Variants in CCDC112 observed in about 807,000 individuals in gnomAD.
The protein encoded by CCDC112 is coiled-coil domain-containing protein 112.
Under a neutral mutation model 66.3 loss-of-function variants are expected in CCDC112, and 40 were observed. The ratio of observed to expected loss-of-function variants is 0.60; its 90% CI spans 0.47 to 0.79. The LOEUF (loss-of-function observed/expected upper bound fraction) is 0.79. Among genes scored for constraint, CCDC112 ranks in the 30% least tolerant of loss-of-function variants. The pLI is 0.00. For missense variants in CCDC112, 659 were observed against 603.8 expected (o/e 1.09, Z -0.96); for synonymous variants, 214 against 197.2 (o/e 1.09, Z -0.71).
chr5:115,275,187 G>A, intron 6 of CCDC112, 29 bp downstream of exon 6: 2 of 1,513,436 alleles, frequency 1.3e-6, no homozygotes, highest in Non-Finnish European at 1.8e-6. Context: ...TAGAAACACA[G>A]AATGAATAAT....
intron 7 of CCDC112, among the ~76,000 whole-genome samples, chr5:115,270,525 C>T (rs758973014): frequency 1.1e-4 from 17 of 152,080 alleles, no homozygotes; most frequent in Middle Eastern, 6.3e-3. Flanking sequence ...AATCTCGATT[C>T]CTTTAAGAAG....
chr5:115,276,441 A>G (rs1380897837), intron 4 of CCDC112, among the ~76,000 whole-genome samples: 1 of 152,178 alleles, frequency 6.6e-6, no homozygotes, highest in Non-Finnish European at 1.5e-5. Flanking sequence ...TCAGGAATGA[A>G]TATTACAGTA....
At position 115,267,737 on chromosome 5, in the gene CCDC112, A is replaced by C. The variant is rs1748794814; in HGVS notation, c.*139T>G. ...CTAATGACAAAGCCTCATGAAACTTAATACCTCTCAATTCACAATATAGCA... is the reference window on the plus strand; with the variant it reads ...CTAATGACAAAGCCTCATGAAACTTCATACCTCTCAATTCACAATATAGCA... On this transcript the variant is annotated 3_prime_UTR_variant, in exon 10 of 10. Coordinates refer to ENST00000379611, the MANE Select transcript of CCDC112 (RefSeq NM_001040440.3). 5.5e-6 allele frequency: 4 copies of C among 727,832 alleles called. No homozygotes were observed. In the East Asian group the frequency reaches 1.0e-4, roughly 19 times the overall value. 45.1% of individuals were successfully genotyped at this position (727,832 alleles called of 1,614,324 possible). A position where few individuals can be genotyped will look rare whatever the true frequency, so the allele number is the denominator to read the frequency against.
rs566039915 is a variant in CCDC112, at chr5:115,289,010, C to A, written c.118-4102G>T. The A allele has an allele frequency of 4.3e-4, 122 of 284,876 alleles. 2 individuals are homozygous for A. Among genetic ancestry groups the A allele is most frequent in the South Asian group, 3.8e-3 (120 of 31,700 alleles). 17.6% of individuals were successfully genotyped at this position (284,876 alleles called of 1,614,324 possible). A position where few individuals can be genotyped will look rare whatever the true frequency, so the allele number is the denominator to read the frequency against. ...TTGGCTTCCTTTTTTTTTTTTTTAACCAAATTCATTTTATTGCCAGACAGA... is the reference window on the plus strand; with the variant it reads ...TTGGCTTCCTTTTTTTTTTTTTTAAACAAATTCATTTTATTGCCAGACAGA... On this transcript the variant is annotated intron_variant, in intron 1 of 9. Transcript: ENST00000379611.
intron 2 of CCDC112, among the ~76,000 whole-genome samples, chr5:115,281,614 T>C (rs938718975): frequency 2.0e-5 from 3 of 152,238 alleles, no homozygotes; most frequent in East Asian, 1.9e-4. Context: ...ACGTCTGCCA[T>C]GGACACAGGA....
rs989814052 is a variant in CCDC112 at position 115,292,434 on chromosome 5, C to A, written c.117+3993G>T. Among the ~76,000 whole-genome samples, 10 of 151,986 alleles carry A rather than the reference C, an allele frequency of 6.6e-5. 1 individual carries two copies. Among genetic ancestry groups the A allele is most frequent in the Non-Finnish European group, 1.5e-5 (1 of 67,976 alleles). On this transcript the variant is annotated intron_variant, in intron 1 of 9. Transcript: ENST00000379611. ...TCTTTAGATATGGTTTCCTTTAGTT[C>A]TTTGAACATATTTAAATAACTGTTT...
Position 115,267,672 on chromosome 5 carries a change from A to C in CCDC112, c.*204T>G. 1.8e-6 allele frequency: 1 copy of C among 564,296 alleles called. No homozygotes were observed. The highest frequency in any genetic ancestry group is 3.5e-5 in the Admixed American group (1 of 28,702). The allele number at this position is 564,296 out of a possible 1,614,324, so 35.0% of individuals were successfully genotyped here. A position where few individuals can be genotyped will look rare whatever the true frequency, so the allele number is the denominator to read the frequency against. On this transcript the variant is annotated 3_prime_UTR_variant, in exon 10 of 10. Transcript: ENST00000379611. Reference sequence around the variant, plus strand: ...ATAACTTTTACATCAATAATAGGCCAACACATATATTAAATACCTTCTTGG... The same window carrying C: ...ATAACTTTTACATCAATAATAGGCCCACACATATATTAAATACCTTCTTGG...
Position 115,296,573 on chromosome 5 carries a change from C to A in CCDC112, c.-30G>T. 1 of 1,442,710 alleles carries A rather than the reference C, an allele frequency of 6.9e-7. No individual in the cohort carries two copies. The allele number at this position is 1,442,710 out of a possible 1,614,324, so 89.4% of individuals were successfully genotyped here. A position where few individuals can be genotyped will look rare whatever the true frequency, so the allele number is the denominator to read the frequency against. ...ACCCGCCGAGCTACTCGGGCCGCGGCGGCCACCGGTGCCTGGGGATTCGTG... is the reference window on the plus strand; with the variant it reads ...ACCCGCCGAGCTACTCGGGCCGCGGAGGCCACCGGTGCCTGGGGATTCGTG... On this transcript the variant is annotated 5_prime_UTR_variant, in exon 1 of 10. Coordinates refer to ENST00000379611, the MANE Select transcript of CCDC112 (RefSeq NM_001040440.3).
rs759891822 is a variant in CCDC112, at chr5:115,271,401, C to T, written c.1144G>A (p.Glu382Lys). 6.2e-7 allele frequency: 1 copy of T among 1,606,416 alleles called. No individual in the cohort carries two copies. Among genetic ancestry groups the T allele is most frequent in the Non-Finnish European group, 8.5e-7 (1 of 1,178,036 alleles). Residue 382 changes from glutamate (E) to lysine (K), a missense_variant, in exon 7 of 10, where the codon GAG becomes AAG. Physicochemically the swap from Glu to Lys is moderately conservative, Grantham distance 56. Coordinates refer to ENST00000379611, the MANE Select transcript of CCDC112 (RefSeq NM_001040440.3). ...KCASQLKEEE[E>K]KEKKHQKERQ... ...TCTTTCTGATGTTTTTTCTCTTTCTCTTCTTCTTCTTTTAACTGGGAAGCA... is the reference window on the plus strand; with the variant it reads ...TCTTTCTGATGTTTTTTCTCTTTCTTTTCTTCTTCTTTTAACTGGGAAGCA...
intron 1 of CCDC112, among the ~76,000 whole-genome samples, chr5:115,288,620 A>G (rs1038326756): frequency 6.6e-6 from 1 of 152,266 alleles, no homozygotes; most frequent in Non-Finnish European, 1.5e-5. Context: ...TAAAATGTTC[A>G]AGACATTAAA....
At chr5:115,287,198 T>G (rs1163691435) in intron 1 of CCDC112, among the ~76,000 whole-genome samples, 1 of 152,216 alleles carries the variant, frequency 6.6e-6, no homozygotes, top group Non-Finnish European at 1.5e-5. Context: ...ACTGTTATCG[T>G]CTGTCTTTTT....
intron 2 of CCDC112, among the ~76,000 whole-genome samples, chr5:115,284,252 G>C (rs745397748): frequency 2.0e-5 from 3 of 152,134 alleles, no homozygotes; most frequent in Non-Finnish European, 4.4e-5. Context: ...GCTGGAGCCA[G>C]CCTAAGAGTC....
At chr5:115,272,919 C>A (rs76353426) in intron 6 of CCDC112, among the ~76,000 whole-genome samples, 2,807 of 152,232 alleles carry the variant, frequency 0.018, 79 homozygotes, top group African/African-American at 0.064. Flanking sequence ...TGCACTGCTT[C>A]TTTCAATGTG....
At chr5:115,274,355 G>C (rs1749116327) in intron 6 of CCDC112, among the ~76,000 whole-genome samples, 1 of 152,124 alleles carries the variant, frequency 6.6e-6, no homozygotes, top group Admixed American at 6.5e-5. Context: ...TGCAAAGCCA[G>C]AGTAATATTT....
chr5:115,282,121 G>C (rs1749482264), intron 2 of CCDC112, among the ~76,000 whole-genome samples: 1 of 152,082 alleles, frequency 6.6e-6, no homozygotes, highest in African/African-American at 2.4e-5. Flanking sequence ...AATATGGGCA[G>C]GTTAAATAAA....
intron 4 of CCDC112, among the ~76,000 whole-genome samples, chr5:115,276,533 G>A (rs1019370592): frequency 7.9e-5 from 12 of 152,040 alleles, no homozygotes; most frequent in African/African-American, 2.9e-4. Flanking sequence ...CTTTCCTTAT[G>A]TATTAGAAAT....
At chr5:115,275,682 C>A (rs1383555193) in intron 5 of CCDC112, 76 bp from the exon 6 acceptor site, 8 of 1,057,080 alleles carry the variant, frequency 7.6e-6, no homozygotes, top group Non-Finnish European at 1.1e-5. Context: ...ATTTAAGATA[C>A]CTGACTCTTT....
intron 9 of CCDC112, among the ~76,000 whole-genome samples, chr5:115,268,667 T>C (rs540625280): frequency 1.0e-4 from 15 of 147,864 alleles, no homozygotes; most frequent in Admixed American, 2.0e-4. Context: ...AAAATATGTA[T>C]ATTTATAGAT....
chr5:115,284,734 T>G, intron 2 of CCDC112, 53 bp downstream of exon 2: 1 of 1,421,338 alleles, frequency 7.0e-7, no homozygotes, highest in South Asian at 1.2e-5. Flanking sequence ...TTTTTTATTG[T>G]CCATTATAAA....
Sources: gnomAD v4.1 joint callset for allele counts (sites outside exome capture counted in the v4.1 genomes callset) on GRCh38, gnomAD v4.1.1 for gene constraint, MANE v1.5 for transcripts, NCBI Gene and HGNC (gene_info 2026-07-23, HGNC 2026-07-21) for gene names.